Variants in LIG1 observed in about 807,000 individuals in gnomAD.
The protein encoded by LIG1 is DNA ligase 1, also known as ligase I, DNA, ATP-dependent.
LIG1 carries 70 observed loss-of-function variants against 115.7 expected under a neutral mutation model. The ratio of observed to expected loss-of-function variants is 0.60; its 90% CI spans 0.50 to 0.74. The LOEUF (loss-of-function observed/expected upper bound fraction) is 0.74. LIG1 is among the 30% of genes least tolerant of loss of function. The pLI, the probability that LIG1 is intolerant of heterozygous loss-of-function variation, is 0.00. For missense variants in LIG1, 1,115 were observed against 1,225.6 expected (o/e 0.91, Z 1.35); for synonymous variants, 487 against 495.3 (o/e 0.98, Z 0.22).
chr19:48,153,294 G>C (rs1020867985), intron 6 of LIG1, among the ~76,000 whole-genome samples: 6 of 151,510 alleles, frequency 4.0e-5, no homozygotes, highest in Non-Finnish European at 7.4e-5. Context: ...AACTGATAAG[G>C]TATTGGCCTA....
At position 48,123,202 on chromosome 19, in the gene LIG1, G is replaced by A. The variant is rs748470299; in HGVS notation, c.2121C>T (p.Ile707=). 2.6e-5 allele frequency: 42 copies of A among 1,613,944 alleles called. No individual in the cohort carries two copies. Among genetic ancestry groups the A allele is most frequent in the Middle Eastern group, 1.6e-4 (1 of 6,084 alleles). ...TCACTGACTGCTCCAGGAACTCGGC[G>A]ATCTGCTCGATGTCCTTGGTGTCCA... ...TSLDTKDIEQ[I]AEFLEQSVKD... is the part of the protein sequence containing the mutation. Residue 707 remains isoleucine (I), a synonymous_variant, in exon 22 of 28, where the codon ATC becomes ATT. Coordinates refer to ENST00000263274, the MANE Select transcript of LIG1 (RefSeq NM_000234.3).
chr19:48,148,919 A>C (rs1323773380), intron 9 of LIG1, among the ~76,000 whole-genome samples: 1 of 152,174 alleles, frequency 6.6e-6, no homozygotes, highest in African/African-American at 2.4e-5. Context: ...TCTATGGTTC[A>C]TCCTCGTGGG....
intron 5 of LIG1, among the ~76,000 whole-genome samples, chr19:48,154,736 C>A (rs1016217078): frequency 6.6e-6 from 1 of 152,216 alleles, no homozygotes; most frequent in Non-Finnish European, 1.5e-5. Flanking sequence ...TTGGCCATTG[C>A]GCCACCTGGT....
Position 48,170,337 on chromosome 19 carries a change from A to G in LIG1, c.-154T>C, listed in dbSNP as rs2036748874. On this transcript the variant is annotated 5_prime_UTR_variant, in exon 1 of 28. Coordinates refer to ENST00000263274, the MANE Select transcript of LIG1 (RefSeq NM_000234.3). ...AGTTCGCGCCACGGCATTCGCGCGC[A>G]GACGTCTGCGGGCGGGGGCGGGGCA... The G allele has an allele frequency of 6.8e-6, 3 of 440,384 alleles. No individual in the cohort carries two copies. Among genetic ancestry groups the G allele is most frequent in the South Asian group, 3.2e-5 (2 of 63,002 alleles). 27.3% of individuals were successfully genotyped at this position (440,384 alleles called of 1,614,324 possible).
chr19:48,157,245 T>C, intron 4 of LIG1, 105 bp from the exon 5 acceptor site: 1 of 1,307,758 alleles, frequency 7.6e-7, no homozygotes, highest in Non-Finnish European at 1.0e-6. Context: ...TACCCTCCTT[T>C]CTGACCCTAT....
At chr19:48,146,968 T>C (rs2035158087) in intron 9 of LIG1, among the ~76,000 whole-genome samples, 1 of 152,200 alleles carries the variant, frequency 6.6e-6, no homozygotes, top group Non-Finnish European at 1.5e-5. Flanking sequence ...AAGTGCTCCC[T>C]TCCTCCACAG....
intron 27 of LIG1, 26 bp from the exon 28 acceptor site, chr19:48,115,758 G>T (rs1254774294): frequency 1.3e-6 from 2 of 1,599,456 alleles, no homozygotes; most frequent in Non-Finnish European, 1.7e-6. Flanking sequence ...GGGACGGGGT[G>T]GTCAGAAGCT....
In LIG1 at chr19:48,149,721, A is replaced by G. The variant is rs369091619; in HGVS notation, c.776+42T>C. On this transcript the variant is annotated intron_variant, in intron 9 of 27. Transcript: ENST00000263274. ...GGGCTGTCGGAATGCAGAGAAGGGA[A>G]CACATCCCGAAGAACCTTTCCAGAC... is the stretch of plus-strand genomic sequence containing the variant. The G allele has an allele frequency of 1.9e-5, 28 of 1,506,100 alleles. No homozygotes were observed. The African/African-American group carries it at 2.7e-4, about 15-fold the overall frequency. The allele number at this position is 1,506,100 out of a possible 1,614,324, so 93.3% of individuals were successfully genotyped here. A position where few individuals can be genotyped will look rare whatever the true frequency, so the allele number is the denominator to read the frequency against.
At chr19:48,154,069 C>T in intron 5 of LIG1, 102 bp from the exon 6 acceptor site, 2 of 936,684 alleles carry the variant, frequency 2.1e-6, no homozygotes, top group Non-Finnish European at 3.5e-6. Context: ...GGCTCTGGGC[C>T]CTCTCCCCTT....
chr19:48,158,637 A>G (rs1177444567), intron 4 of LIG1, among the ~76,000 whole-genome samples: 1 of 152,254 alleles, frequency 6.6e-6, no homozygotes, highest in African/African-American at 2.4e-5. Flanking sequence ...GGCAGTGCCA[A>G]TGGAGGGAAG....
Position 48,125,493 on chromosome 19 carries a change from G to A in LIG1, c.2004+1784C>T, listed in dbSNP as rs187034087. Among the ~76,000 whole-genome samples the A allele has an allele frequency of 2.1e-4, 31 of 148,576 alleles. No individual in the cohort carries two copies. In the East Asian group the frequency reaches 5.6e-3, roughly 27 times the overall value. Reference sequence around the variant, plus strand: ...CACCTGTCCCGGCGAAGGACAGATGGGCCTAACGGAGAAAAAACGTTTACA... The same window carrying A: ...CACCTGTCCCGGCGAAGGACAGATGAGCCTAACGGAGAAAAAACGTTTACA... On this transcript the variant is annotated intron_variant, in intron 21 of 27. Coordinates refer to ENST00000263274, the MANE Select transcript of LIG1 (RefSeq NM_000234.3).
At chr19:48,136,293 A>C (rs893849416) in intron 14 of LIG1, among the ~76,000 whole-genome samples, 168 bp from the exon 15 acceptor site, 15 of 152,218 alleles carry the variant, frequency 9.9e-5, no homozygotes, top group Non-Finnish European at 2.1e-4. Context: ...CCCATGTGAC[A>C]GATGAGGAAA....
intron 20 of LIG1, chr19:48,127,601 C>T: frequency 1.6e-6 from 1 of 606,310 alleles, no homozygotes; most frequent in Non-Finnish European, 2.9e-6. Flanking sequence ...TGACATGGCA[C>T]AGTTCTGGCC....
intron 9 of LIG1, among the ~76,000 whole-genome samples, chr19:48,147,630 GCAAGACCCTGT>G (rs2035200200): frequency 6.8e-6 from 1 of 147,098 alleles, no homozygotes; most frequent in Admixed American, 6.8e-5. Flanking sequence ...GGGTAACAGA[GCAAGACCCTGT>G]CTTTAAAAAA....
At chr19:48,126,803 TGAACTACTGGGCTCAAGC>T (rs2033699335) in intron 21 of LIG1, among the ~76,000 whole-genome samples, 1 of 151,868 alleles carries the variant, frequency 6.6e-6, no homozygotes, top group Non-Finnish European at 1.5e-5. Flanking sequence ...AGGCTGGTCT[TGAACTACTGGGCTCAAGC>T]GATCCTCCCA....
intron 9 of LIG1, chr19:48,147,518 C>CAA (rs1246014402): frequency 6.7e-6 from 1 of 149,956 alleles, no homozygotes; most frequent in Non-Finnish European, 1.5e-5. Flanking sequence ...AAAAAGTAAA[C>CAA]AAAAATTAGC....
intron 5 of LIG1, chr19:48,154,698 G>A (rs2035723776): frequency 6.5e-6 from 1 of 154,656 alleles, no homozygotes; most frequent in Non-Finnish European, 1.4e-5. Context: ...AAAGGCAGTT[G>A]TACCCATCTT....
rs373988317 is a variant in LIG1 at position 48,143,914 on chromosome 19, C to A, written c.826G>T (p.Val276Leu). Residue 276 changes from valine to leucine, a missense_variant, in exon 10 of 28, where the codon GTG becomes TTG. By Grantham distance (32) the Val-to-Leu change is conservative. Coordinates refer to ENST00000263274, the MANE Select transcript of LIG1 (RefSeq NM_000234.3). ...YNPAKNNYHP[V>L]EDACWKPGQK... is the part of the protein sequence containing the mutation. Reference sequence around the variant, plus strand: ...CCCGGTTTCCAGCAGGCATCTTCCACGGGATGATAGTTGTTCTTGGCAGGA... The same window carrying A: ...CCCGGTTTCCAGCAGGCATCTTCCAAGGGATGATAGTTGTTCTTGGCAGGA... The A allele has an allele frequency of 1.9e-5, 31 of 1,613,896 alleles. No individual in the cohort carries two copies. Among genetic ancestry groups the A allele is most frequent in the Non-Finnish European group, 2.6e-5 (31 of 1,179,950 alleles).
intron 6 of LIG1, 76 bp downstream of exon 6, chr19:48,153,796 T>A (rs1599851573): frequency 3.2e-5 from 8 of 251,930 alleles, no homozygotes; most frequent in Non-Finnish European, 5.2e-5. Flanking sequence ...GGGCTCACCT[T>A]CCTCCTCCTC....
Sources: gnomAD v4.1 joint callset for allele counts (sites outside exome capture counted in the v4.1 genomes callset) on GRCh38, gnomAD v4.1.1 for gene constraint, MANE v1.5 for transcripts, NCBI Gene and HGNC (gene_info 2026-07-23, HGNC 2026-07-21) for gene names.